USP34: variants seen among roughly 807,000 people sequenced by gnomAD.
USP34 encodes ubiquitin specific peptidase 34.
A neutral mutation model predicts 460.3 loss-of-function variants in USP34; 70 were observed. The observed-to-expected ratio is 0.15, with a 90% CI of 0.13 to 0.19. The LOEUF is 0.19. Among genes scored for constraint, USP34 ranks in the 10% least tolerant of loss-of-function variants. The pLI, the probability that USP34 is intolerant of heterozygous loss-of-function variation, is 1.00. For missense variants in USP34, 3,985 were observed against 4,236.2 expected (o/e 0.94, Z 1.65); for synonymous variants, 1,647 against 1,405.3 (o/e 1.17, Z -3.85).
intron 15 of USP34, among the ~76,000 whole-genome samples, chr2:61,345,272 TAAA>T (rs33948872): frequency 2.1e-5 from 3 of 144,656 alleles, no homozygotes; most frequent in Non-Finnish European, 1.5e-5. Context: ...TGACTGTGTT[TAAA>T]AAAAAAAAAA....
chr2:61,221,225 C>T (rs1432004974), intron 66 of USP34, among the ~76,000 whole-genome samples: 1 of 152,164 alleles, frequency 6.6e-6, no homozygotes, highest in Non-Finnish European at 1.5e-5. Flanking sequence ...TTCTTGAAAA[C>T]ACTTGGTTTG....
chr2:61,404,261 G>A (rs1372218171), intron 3 of USP34, among the ~76,000 whole-genome samples: 2 of 151,906 alleles, frequency 1.3e-5, no homozygotes, highest in Non-Finnish European at 2.9e-5. Flanking sequence ...AGAGAAAAGA[G>A]ACAGATAAAA....
intron 43 of USP34, among the ~76,000 whole-genome samples, chr2:61,260,413 A>C (rs1356460015): frequency 6.6e-6 from 1 of 152,228 alleles, no homozygotes; most frequent in African/African-American, 2.4e-5. Flanking sequence ...ATGAATCTAT[A>C]AAGTAGGTAT....
Position 61,229,701 on chromosome 2 carries a change from T to C in USP34, c.7114-68A>G. The C allele has an allele frequency of 2.9e-6, 4 of 1,364,206 alleles. No homozygotes were observed. In the South Asian group the frequency reaches 3.7e-5, roughly 13 times the overall value. 84.5% of individuals were successfully genotyped at this position (1,364,206 alleles called of 1,614,324 possible). On this transcript the variant is annotated intron_variant, in intron 58 of 79. Coordinates refer to ENST00000398571, the MANE Select transcript of USP34 (RefSeq NM_014709.4). ...GTAACAAAGATTTGAAAAATTAACA[T>C]GATTCAAAATTCTCTGCCACCCATT...
intron 56 of USP34, 51 bp from the exon 57 acceptor site, chr2:61,235,961 C>T: frequency 1.3e-6 from 2 of 1,597,422 alleles, no homozygotes; most frequent in Non-Finnish European, 1.7e-6. Flanking sequence ...CCAACAATAA[C>T]AAAAACCAAA....
At chr2:61,363,226 G>A (rs1450567930) in intron 10 of USP34, among the ~76,000 whole-genome samples, 1 of 152,196 alleles carries the variant, frequency 6.6e-6, no homozygotes, top group Non-Finnish European at 1.5e-5. Flanking sequence ...AGGCAAGGAT[G>A]TGGAGAAACC....
intron 41 of USP34, 37 bp from the exon 42 acceptor site, chr2:61,266,204 A>G (rs1425825604): frequency 1.9e-6 from 3 of 1,558,832 alleles, no homozygotes; most frequent in African/African-American, 1.4e-5. Context: ...CTAAACTGAG[A>G]TATTAATTAC....
At chr2:61,327,457 T>C (rs1002330296) in intron 20 of USP34, among the ~76,000 whole-genome samples, 1 of 152,192 alleles carries the variant, frequency 6.6e-6, no homozygotes, top group African/African-American at 2.4e-5. Flanking sequence ...ACAAGGGATT[T>C]TGTAGCAGAG....
At chr2:61,255,570 G>A (rs1424947332) in intron 48 of USP34, among the ~76,000 whole-genome samples, 2 of 152,224 alleles carry the variant, frequency 1.3e-5, no homozygotes, top group Admixed American at 6.5e-5. Context: ...ATGCTGTGAG[G>A]ATTAACTGGA....
At chr2:61,387,085 G>C (rs1373127363) in intron 5 of USP34, among the ~76,000 whole-genome samples, 1 of 152,086 alleles carries the variant, frequency 6.6e-6, no homozygotes, top group African/African-American at 2.4e-5. Flanking sequence ...AAATGGGCGA[G>C]AGATTTAAAC....
At chr2:61,216,482 C>T (rs1022869437) in intron 67 of USP34, among the ~76,000 whole-genome samples, 11 of 151,980 alleles carry the variant, frequency 7.2e-5, no homozygotes, top group African/African-American at 2.7e-4. Context: ...CGCCTGTAGT[C>T]CCAGCTACTC....
At chr2:61,452,185 A>G (rs975584534) in intron 1 of USP34, among the ~76,000 whole-genome samples, 8 of 151,818 alleles carry the variant, frequency 5.3e-5, no homozygotes, top group Admixed American at 3.9e-4. Context: ...AAAAAAAAAA[A>G]AAAGAAAGAA....
rs761817871 is a variant in USP34 at position 61,317,682 on chromosome 2, C to T, written c.3254G>A (p.Ser1085Asn). ...AGAATTTGAACAACCATCATAGGCACTGGTAGCCAATCGAGCCAAGTTACA... is the reference window on the plus strand; with the variant it reads ...AGAATTTGAACAACCATCATAGGCATTGGTAGCCAATCGAGCCAAGTTACA... ...HLCNLARLAT[S>N]AYDGCSNSEL... is the part of the protein sequence containing the mutation. The change falls in exon 23 of 80, where the codon AGT becomes AAT. Residue 1085 changes from serine (S) to asparagine (N), a missense_variant. By Grantham distance (46) the Ser-to-Asn change is conservative. This residue lies in a region of USP34 where 1,114 missense variants were observed against 1,122.5 expected (regional missense o/e 0.99). Coordinates refer to ENST00000398571, the MANE Select transcript of USP34 (RefSeq NM_014709.4). 6 of 1,614,056 alleles carry T rather than the reference C, an allele frequency of 3.7e-6. No individual in the cohort carries two copies. The highest frequency in any genetic ancestry group is 5.1e-6 in the Non-Finnish European group (6 of 1,179,986).
chr2:61,307,438 C>T (rs960309889), intron 27 of USP34, among the ~76,000 whole-genome samples: 1 of 151,596 alleles, frequency 6.6e-6, no homozygotes, highest in African/African-American at 2.4e-5. Context: ...GCGTTGTGCA[C>T]ATGTACCCTA....
intron 37 of USP34, among the ~76,000 whole-genome samples, chr2:61,282,494 A>C (rs1236693016): frequency 6.6e-6 from 1 of 152,190 alleles, no homozygotes; most frequent in Non-Finnish European, 1.5e-5. Flanking sequence ...TTCTACTTAA[A>C]TAGAAAACAC....
intron 5 of USP34, among the ~76,000 whole-genome samples, chr2:61,385,997 CAAAAA>C (rs58518474): frequency 2.0e-5 from 2 of 99,438 alleles, no homozygotes; most frequent in Admixed American, 1.1e-4. Context: ...ACTCTGTCTC[CAAAAA>C]AAAAAAAAAA....
At chr2:61,240,332 C>T (rs1042521853) in intron 53 of USP34, among the ~76,000 whole-genome samples, 4 of 152,068 alleles carry the variant, frequency 2.6e-5, no homozygotes, top group African/African-American at 9.7e-5. Flanking sequence ...CTCTGTTGCC[C>T]AGGATGGAGT....
At chr2:61,259,054 G>C (rs1688799435) in intron 44 of USP34, among the ~76,000 whole-genome samples, 1 of 152,136 alleles carries the variant, frequency 6.6e-6, no homozygotes, top group African/African-American at 2.4e-5. Flanking sequence ...GAGATCAGGA[G>C]TTCGAGACCA....
chr2:61,470,095 T>C (rs1011413821), intron 1 of USP34, among the ~76,000 whole-genome samples: 1 of 152,216 alleles, frequency 6.6e-6, no homozygotes, highest in African/African-American at 2.4e-5. Flanking sequence ...ATCATCACTA[T>C]CACAGTTCGT....
Sources: gnomAD v4.1 joint callset for allele counts (sites outside exome capture counted in the v4.1 genomes callset) on GRCh38, gnomAD v4.1.1 for gene constraint, gnomAD v4.1.1 regional missense constraint, MANE v1.5 for transcripts, NCBI Gene and HGNC (gene_info 2026-07-23, HGNC 2026-07-21) for gene names.